ABCA10: variants seen among roughly 807,000 people sequenced by gnomAD.
ABCA10 encodes the protein ATP binding cassette subfamily A member 10, also known as ATP-binding cassette sub-family A member 10.
ABCA10 carries 169 observed loss-of-function variants against 187.5 expected under a neutral mutation model. That is an observed-to-expected ratio of 0.90 (90% CI 0.80 to 1.02). ABCA10 has a LOEUF of 1.02. ABCA10 is among the 50% of genes least tolerant of loss of function. The pLI is 0.00. For missense variants in ABCA10, 1,727 were observed against 1,812.4 expected (o/e 0.95, Z 0.86); for synonymous variants, 574 against 601.8 (o/e 0.95, Z 0.68).
upstream of ABCA10, chr17:69,233,151 A>G (rs1568078373): frequency 6.6e-6 from 1 of 152,058 alleles, no homozygotes; most frequent in Non-Finnish European, 1.5e-5. Flanking sequence ...AATAACCTTC[A>G]CACTGCTTTG....
At chr17:69,244,412 G>T (rs2074928238) in intron 1 of ABCA10, 1 of 151,770 alleles carries the variant, frequency 6.6e-6, no homozygotes, top group Non-Finnish European at 1.5e-5. Context: ...AAAATGACTT[G>T]TCTTAAATTT....
intron 9 of ABCA10, among the ~76,000 whole-genome samples, chr17:69,213,554 G>A (rs1247752878): frequency 6.6e-6 from 1 of 152,152 alleles, no homozygotes; most frequent in Non-Finnish European, 1.5e-5. Context: ...AGTCAGCAAG[G>A]CCAGTCTCAC....
chr17:69,182,785 G>T lies in ABCA10; in HGVS notation c.2521C>A (p.His841Asn). The T allele has an allele frequency of 4.4e-6, 7 of 1,606,956 alleles. No individual in the cohort carries two copies. The highest frequency in any genetic ancestry group is 8.5e-7 in the Non-Finnish European group (1 of 1,177,038). ...NTGSNIEDLV[H>N]SLKCQDIVLE... ...ACTATATCCTGACACTTCAGTGAAT[G>T]CACGAGGTCTTCAATATTTGATCCT... Residue 841 changes from histidine to asparagine, a missense_variant, in exon 21 of 39, where the codon CAT (histidine) becomes AAT (asparagine). Transcript: ENST00000690296.
Position 69,199,619 on chromosome 17 carries a change from A to C in ABCA10, c.1175+1881T>G, listed in dbSNP as rs376184124. On this transcript the variant is annotated intron_variant, in intron 10 of 38. Transcript: ENST00000690296. The stretch of plus-strand genomic sequence containing the variant: ...ATGTCATAAGGGCAAATTAGACCCA[A>C]GACCACTGAATAGGATGACTAGCAT... Among the ~76,000 whole-genome samples, 10 of 152,322 alleles carry C rather than the reference A, an allele frequency of 6.6e-5. No individual in the cohort carries two copies. The East Asian group carries it at 1.4e-3, about 21-fold the overall frequency.
intron 19 of ABCA10, 143 bp downstream of exon 19, chr17:69,187,538 G>T: frequency 1.1e-6 from 1 of 875,458 alleles, no homozygotes. Context: ...AGGCAGTCAG[G>T]CCCTTTTCCT....
chr17:69,216,158 T>G, intron 7 of ABCA10, 59 bp downstream of exon 7: 2 of 1,554,666 alleles, frequency 1.3e-6, no homozygotes, highest in Non-Finnish European at 1.7e-6. Context: ...GAAACATTAT[T>G]TGCTCATGTA....
intron 25 of ABCA10, among the ~76,000 whole-genome samples, chr17:69,173,445 T>C (rs1448650321): frequency 6.6e-6 from 1 of 152,114 alleles, no homozygotes; most frequent in African/African-American, 2.4e-5. Flanking sequence ...ACTTTGGTCC[T>C]TTTACCCTAA....
chr17:69,230,758 C>G (rs958400764), upstream of ABCA10, among the ~76,000 whole-genome samples: 1 of 152,084 alleles, frequency 6.6e-6, no homozygotes, highest in Non-Finnish European at 1.5e-5. Flanking sequence ...AGAGGAAACT[C>G]AGCCAATTTT....
At chr17:69,154,904 A>C (rs2074161659) in intron 30 of ABCA10, 115 bp downstream of exon 30, 3 of 640,778 alleles carry the variant, frequency 4.7e-6, no homozygotes, top group Non-Finnish European at 7.7e-6. Context: ...TTATAATTAC[A>C]CATTAACCAG....
intron 25 of ABCA10, among the ~76,000 whole-genome samples, chr17:69,167,114 A>G (rs2144770032): frequency 6.6e-6 from 1 of 152,216 alleles, no homozygotes; most frequent in East Asian, 1.9e-4. Flanking sequence ...GTCAGCAAGT[A>G]TCTTGCCAGT....
intron 10 of ABCA10, among the ~76,000 whole-genome samples, chr17:69,198,097 C>T (rs569941546): frequency 1.9e-4 from 29 of 152,256 alleles, no homozygotes; most frequent in Non-Finnish European, 3.7e-4. Context: ...CTCTCTCTCT[C>T]TCCCTTTTTC....
chr17:69,225,243 C>A (rs886165252), intron 3 of ABCA10, 82 bp downstream of exon 3: 6 of 1,466,314 alleles, frequency 4.1e-6, no homozygotes, highest in Non-Finnish European at 5.7e-6. Flanking sequence ...GACACACAGG[C>A]TAGGTAAGTA....
At position 69,222,699 on chromosome 17, in the gene ABCA10, T is replaced by C; in HGVS notation, c.35-2A>G. ...CTGGTGTCCCAATGACTGTTCTTCC[T>C]ACCATGTATGAAAAACATAAATAAA... On this transcript the variant is annotated splice_acceptor_variant, in intron 3 of 38. Coordinates refer to ENST00000690296, the MANE Select transcript of ABCA10 (RefSeq NM_001377321.1). LOFTEE classifies it high-confidence loss of function. The C allele has an allele frequency of 6.4e-7, 1 of 1,555,662 alleles. No homozygotes were observed. The highest frequency in any genetic ancestry group is 8.6e-7 in the Non-Finnish European group (1 of 1,162,096).
At chr17:69,236,378 A>T (rs1385188868) in intron 1 of ABCA10, among the ~76,000 whole-genome samples, 1 of 152,238 alleles carries the variant, frequency 6.6e-6, no homozygotes, top group East Asian at 1.9e-4. Context: ...ATAATATTCA[A>T]AGACAACCTA....
upstream of ABCA10, among the ~76,000 whole-genome samples, chr17:69,232,599 ATTT>A (rs1235920611): frequency 6.6e-6 from 1 of 152,134 alleles, no homozygotes; most frequent in Non-Finnish European, 1.5e-5. Flanking sequence ...ATAATTTATT[ATTT>A]TTAATAGTTT....
intron 9 of ABCA10, among the ~76,000 whole-genome samples, chr17:69,214,285 G>A (rs1326007106): frequency 2.0e-5 from 3 of 152,172 alleles, no homozygotes; most frequent in Non-Finnish European, 4.4e-5. Flanking sequence ...GGAGGCCGAG[G>A]CGGGCGGATC....
intron 18 of ABCA10, among the ~76,000 whole-genome samples, chr17:69,188,096 G>C (rs568345249): frequency 6.6e-6 from 1 of 152,130 alleles, no homozygotes; most frequent in African/African-American, 2.4e-5. Context: ...GATGATTAAG[G>C]CTTCCTAACA....
In ABCA10 at chr17:69,152,143, T is replaced by C. The variant is rs1025406158; in HGVS notation, c.4297A>G (p.Arg1433Gly). The C allele has an allele frequency of 1.9e-6, 3 of 1,613,638 alleles. No individual in the cohort carries two copies. The highest frequency in any genetic ancestry group is 2.5e-6 in the Non-Finnish European group (3 of 1,179,864). Residue 1433 changes from arginine (R) to glycine (G), a missense_variant, in exon 36 of 39, where the codon AGA becomes GGA. By Grantham distance (125) the Arg-to-Gly change is moderately radical. Transcript: ENST00000690296. ...SIQHLKNKFG[R>G]DYLLEIKMKE... ...ATTTTTATTTCTAGTAAATAATCTC[T>C]ACCAAACTTGTTTTTCAGATGTTGA...
intron 10 of ABCA10, among the ~76,000 whole-genome samples, chr17:69,198,086 A>ACT (rs112303602): frequency 0.086 from 13,023 of 151,140 alleles, 715 homozygotes; most frequent in Admixed American, 0.16. Context: ...GGCATCCTTA[A>ACT]CTCTCTCTCT....
Sources: allele counts gnomAD v4.1 joint callset (sites outside exome capture counted in the v4.1 genomes callset), GRCh38; gene constraint gnomAD v4.1.1; transcripts MANE v1.5; gene names NCBI Gene and HGNC (gene_info 2026-07-23, HGNC 2026-07-21).